PDK3: variants seen among roughly 807,000 people sequenced by gnomAD.
PDK3 encodes the protein pyruvate dehydrogenase kinase 3.
A neutral mutation model predicts 32.0 loss-of-function variants in PDK3; 12 were observed. The ratio of observed to expected loss-of-function variants is 0.37; its 90% confidence interval spans 0.24 to 0.61. PDK3 has a LOEUF of 0.61. Among genes scored for constraint, PDK3 ranks in the 20% least tolerant of loss-of-function variants. The probability of loss-of-function intolerance (pLI) is 0.65; values close to 1 mark genes in which losing one functional copy is unlikely to be tolerated. For synonymous variants in PDK3, 122 were observed against 116.3 expected (o/e 1.05, Z -0.31); for missense variants, 188 against 316.9 (o/e 0.59, Z 3.09).
intron 5 of PDK3, among the ~76,000 whole-genome samples, chrX:24,510,011 G>C (rs1295845890): frequency 8.9e-6 from 1 of 112,206 alleles, no homozygotes; most frequent in Non-Finnish European, 1.9e-5. Context: ...GCTTTGGAAG[G>C]ACTCTTAAAA....
chrX:24,519,826 A>G (rs1284793243), intron 6 of PDK3, among the ~76,000 whole-genome samples: 1 of 112,442 alleles, frequency 8.9e-6, no homozygotes, highest in African/African-American at 3.2e-5. Context: ...TGTTCTTTCT[A>G]TTTGGCCCAG....
At chrX:24,479,097 G>C (rs1921184776) in intron 1 of PDK3, among the ~76,000 whole-genome samples, 1 of 112,458 alleles carries the variant, frequency 8.9e-6, no homozygotes, top group Non-Finnish European at 1.9e-5. Context: ...CCTTTTCTTG[G>C]ATCTGTCCTA....
chrX:24,512,613 A>C (rs1413834495), intron 5 of PDK3, among the ~76,000 whole-genome samples: 1 of 111,566 alleles, frequency 9.0e-6, no homozygotes, highest in Non-Finnish European at 1.9e-5. Flanking sequence ...AAATGCAAAA[A>C]TCAGCCAGGT....
chrX:24,491,889 T>C (rs1201951025), intron 1 of PDK3, among the ~76,000 whole-genome samples: 1 of 111,397 alleles, frequency 9.0e-6, no homozygotes, highest in Non-Finnish European at 1.9e-5. Flanking sequence ...TAAACCGTGA[T>C]TGTACCACTG....
rs1467120926 is a variant in PDK3, at chrX:24,498,812, T to C, written c.249-17T>C. On this transcript the variant is annotated splice_polypyrimidine_tract_variant and intron_variant, in intron 2 of 10. Coordinates refer to ENST00000379162, the MANE Select transcript of PDK3 (RefSeq NM_005391.5). ...AACATAGTAACTCTTCTTTTTCTTT[T>C]TTTTTTTTCCTTTTAGGTATATGCA... 2.9e-6 allele frequency: 3 copies of C among 1,029,032 alleles called. No homozygotes were observed. Among genetic ancestry groups the C allele is most frequent in the South Asian group, 4.4e-5 (2 of 45,660 alleles). The allele number at this position is 1,029,032 out of a possible 1,213,427, so 84.8% of individuals were successfully genotyped here.
At chrX:24,527,463 T>G (rs764752383) in intron 7 of PDK3, 111 bp from the exon 8 acceptor site, 247 of 466,586 alleles carry the variant, frequency 5.3e-4, no homozygotes, top group Non-Finnish European at 8.0e-4. Context: ...CCAACTAATA[T>G]TTGCCCCAAA....
chrX:24,497,477 G>A (rs1921745459), intron 2 of PDK3, among the ~76,000 whole-genome samples: 2 of 111,605 alleles, frequency 1.8e-5, no homozygotes, highest in Non-Finnish European at 3.8e-5. Flanking sequence ...GTAGAGACGG[G>A]GTTTCGCCAT....
intron 10 of PDK3, among the ~76,000 whole-genome samples, chrX:24,533,206 G>A (rs1182848533): frequency 9.7e-6 from 1 of 102,662 alleles, no homozygotes; most frequent in African/African-American, 3.6e-5. Context: ...CTGCCATCTC[G>A]GCTCACTGCA....
At chrX:24,480,270 A>G (rs1387079865) in intron 1 of PDK3, among the ~76,000 whole-genome samples, 1 of 112,752 alleles carries the variant, frequency 8.9e-6, no homozygotes, top group Non-Finnish European at 1.9e-5. Flanking sequence ...CAGTTTCCCA[A>G]GAGGCTGAAA....
chrX:24,477,669 T>A (rs1192597170), intron 1 of PDK3, among the ~76,000 whole-genome samples: 1 of 111,602 alleles, frequency 9.0e-6, no homozygotes, highest in Non-Finnish European at 1.9e-5. Flanking sequence ...TTGTCACCTA[T>A]AGCAGAGTTT....
chrX:24,507,438 T>C (rs1922013273), intron 5 of PDK3, among the ~76,000 whole-genome samples: 1 of 112,187 alleles, frequency 8.9e-6, no homozygotes, highest in Non-Finnish European at 1.9e-5. Flanking sequence ...TCAGACTTGA[T>C]TAAGTAACCT....
At chrX:24,543,602 A>G (rs1471055807) in exon 12 of PDK3, among the ~76,000 whole-genome samples, 1 of 110,926 alleles carries the variant, frequency 9.0e-6, no homozygotes, top group African/African-American at 3.3e-5. Context: ...GGCTTATGCC[A>G]CCATGCCTGG....
chrX:24,491,904 G>A (rs1481806891), intron 1 of PDK3, among the ~76,000 whole-genome samples: 2 of 111,424 alleles, frequency 1.8e-5, no homozygotes, highest in Non-Finnish European at 3.8e-5. Context: ...CCACTGCACT[G>A]CAGCCTGGGT....
At chrX:24,525,627 A>G (rs959811162) in intron 6 of PDK3, among the ~76,000 whole-genome samples, 4 of 111,838 alleles carry the variant, frequency 3.6e-5, no homozygotes, top group African/African-American at 1.3e-4. Flanking sequence ...TTGTCTTCAG[A>G]TGACCCATGG....
chrX:24,473,278 G>A (rs1334921375), intron 1 of PDK3, among the ~76,000 whole-genome samples: 2 of 105,741 alleles, frequency 1.9e-5, no homozygotes, highest in Non-Finnish European at 3.9e-5. Flanking sequence ...GGAGGCTGAG[G>A]CAGGAGAATT....
rs750473113 is a variant in PDK3 at position 24,501,562 on chromosome X, A to G, written c.321-1765A>G. ...AACCCTGTCTCTACTAAAAATATGA[A>G]AATTAGCCAGGCGTGGTGGTGGGCA... On this transcript the variant is annotated intron_variant, in intron 3 of 10. Transcript: ENST00000379162. 3.7e-4 allele frequency among the ~76,000 whole-genome samples: 41 copies of G among 112,296 alleles called. 1 individual carries two copies. In the South Asian group the frequency reaches 0.014, roughly 39 times the overall value.
intron 1 of PDK3, among the ~76,000 whole-genome samples, chrX:24,481,130 G>A (rs1451168409): frequency 9.3e-6 from 1 of 107,195 alleles, no homozygotes; most frequent in Non-Finnish European, 1.9e-5. Flanking sequence ...TGCAAGCTCC[G>A]CCTTCCGGGT....
At chrX:24,539,396 A>T (rs1922843117), downstream of PDK3, 1 of 381,905 alleles carries the variant, frequency 2.6e-6, no homozygotes, top group Non-Finnish European at 4.6e-6. Flanking sequence ...GGTGTGATTG[A>T]TGCCTGTCAC....
At chrX:24,469,562 G>C (rs1201602743) in intron 1 of PDK3, among the ~76,000 whole-genome samples, 1 of 109,711 alleles carries the variant, frequency 9.1e-6, no homozygotes, top group Non-Finnish European at 1.9e-5. Flanking sequence ...GATGGCTTGA[G>C]ACCAGGAGTT....
Sources: allele counts gnomAD v4.1 joint callset (sites outside exome capture counted in the v4.1 genomes callset), GRCh38; gene constraint gnomAD v4.1.1; transcripts MANE v1.5; gene names NCBI Gene and HGNC (gene_info 2026-07-23, HGNC 2026-07-21).